CLDN10: variants seen among roughly 807,000 people sequenced by gnomAD.
The protein encoded by CLDN10 is claudin 10.
Under a neutral mutation model 22.9 loss-of-function variants are expected in CLDN10, and 15 were observed. That is an observed-to-expected ratio of 0.65 (90% confidence interval 0.44 to 1.01). The LOEUF (loss-of-function observed/expected upper bound fraction) is 1.01, where lower values mean the gene tolerates loss of function less well. CLDN10 is among the 50% of genes least tolerant of loss of function. The pLI, the probability that CLDN10 is intolerant of heterozygous loss-of-function variation, is 0.00. For synonymous variants in CLDN10, 114 were observed against 111.4 expected (o/e 1.02, Z -0.15); for missense variants, 247 against 287.8 (o/e 0.86, Z 1.03).
intron 1 of CLDN10, among the ~76,000 whole-genome samples, chr13:95,451,952 C>T (rs1318921438): frequency 1.3e-5 from 2 of 152,198 alleles, no homozygotes; most frequent in African/African-American, 4.8e-5. Flanking sequence ...AGCATCCTGG[C>T]ACACTTTTCA....
At chr13:95,571,580 C>T (rs958522731) in intron 3 of CLDN10, among the ~76,000 whole-genome samples, 42 of 152,172 alleles carry the variant, frequency 2.8e-4, no homozygotes, top group African/African-American at 7.5e-4. Flanking sequence ...CAGAGAGATA[C>T]GCAGGATCAG....
chr13:95,522,634 A>AT (rs1158653143), intron 1 of CLDN10, among the ~76,000 whole-genome samples: 1 of 152,020 alleles, frequency 6.6e-6, no homozygotes, highest in Admixed American at 6.6e-5. Flanking sequence ...ATCTTTACTG[A>AT]TTTTTTAGAT....
intron 1 of CLDN10, among the ~76,000 whole-genome samples, chr13:95,451,278 T>C (rs1482753144): frequency 6.6e-6 from 1 of 152,254 alleles, no homozygotes; most frequent in Non-Finnish European, 1.5e-5. Flanking sequence ...TCTGTGCTTC[T>C]GCTCATGCCA....
intron 1 of CLDN10, among the ~76,000 whole-genome samples, chr13:95,513,877 C>T (rs1460244816): frequency 6.6e-6 from 1 of 152,166 alleles, no homozygotes; most frequent in African/African-American, 2.4e-5. Context: ...AGGAAATAAG[C>T]AGTGCTATAT....
At position 95,502,022 on chromosome 13, in the gene CLDN10, C is replaced by T. The variant is rs60956971; in HGVS notation, c.215-58110C>T. ...ATCAGGGTCTACTTTGAATTCATAG[C>T]ATCTAATATAAGAATTTTACAATAG... is the stretch of plus-strand genomic sequence containing the variant. On this transcript the variant is annotated intron_variant, in intron 1 of 4. Transcript: ENST00000376873. Among the ~76,000 whole-genome samples, 1,058 of 152,290 alleles carry T rather than the reference C, an allele frequency of 6.9e-3. 14 individuals carry two copies. The highest frequency in any genetic ancestry group is 0.024 in the African/African-American group (1,012 of 41,544).
chr13:95,571,263 A>C (rs918070100), intron 3 of CLDN10, among the ~76,000 whole-genome samples: 1 of 152,164 alleles, frequency 6.6e-6, no homozygotes, highest in African/African-American at 2.4e-5. Context: ...GATAATGGGC[A>C]TATGTCTGTT....
intron 1 of CLDN10, among the ~76,000 whole-genome samples, chr13:95,471,820 C>G (rs1286869641): frequency 6.6e-6 from 1 of 151,992 alleles, no homozygotes. Flanking sequence ...GGGGCGCCAT[C>G]ACAGCTCACT....
At chr13:95,555,047 G>GTTGT (rs2043616032) in intron 1 of CLDN10, among the ~76,000 whole-genome samples, 1 of 108,674 alleles carries the variant, frequency 9.2e-6, no homozygotes, top group East Asian at 2.8e-4. Flanking sequence ...TGTTAATCCA[G>GTTGT]TTTTTTTTTT....
chr13:95,528,691 A>C (rs1266375719), intron 1 of CLDN10: 3 of 152,222 alleles, frequency 2.0e-5, no homozygotes, highest in Non-Finnish European at 4.4e-5. Context: ...ATATTGAGTA[A>C]AGCTAAGGAA....
intron 1 of CLDN10, among the ~76,000 whole-genome samples, chr13:95,519,258 G>A (rs1414711406): frequency 6.6e-6 from 1 of 152,180 alleles, no homozygotes; most frequent in Non-Finnish European, 1.5e-5. Context: ...GAAGTGTGAA[G>A]GTTGGTGACC....
In CLDN10 at chr13:95,471,454, T is replaced by TATA. The variant is rs201753710; in HGVS notation, c.214+37407_214+37408insATA. On this transcript the variant is annotated intron_variant, in intron 1 of 4. Transcript: ENST00000376873. ...ACACACACACACATATATATATATA[T>TATA]TTTTTTTTTTTTTTTTGAGATGGAG... 1.9e-3 allele frequency among the ~76,000 whole-genome samples: 157 copies of TATA among 81,214 alleles called. 1 individual carries two copies. Among genetic ancestry groups the TATA allele is most frequent in the South Asian group, 4.1e-3 (9 of 2,174 alleles). 53.3% of individuals were successfully genotyped at this position (81,214 alleles called of 152,430 possible). A position where few individuals can be genotyped will look rare whatever the true frequency, so the allele number is the denominator to read the frequency against.
rs1330827517 is a variant in CLDN10, at chr13:95,531,233, A to C, written c.215-28899A>C. Among the ~76,000 whole-genome samples the C allele has an allele frequency of 2.6e-5, 4 of 152,308 alleles. No homozygotes were observed. In the South Asian group the frequency reaches 8.3e-4, roughly 32 times the overall value. On this transcript the variant is annotated intron_variant, in intron 1 of 4. Transcript: ENST00000376873. ...CACACCTGGATGATCATCTTTCTTA[A>C]ATAACAAAATATGGTAGACTTTAAA...
chr13:95,539,474 A>T (rs999579687), intron 1 of CLDN10, among the ~76,000 whole-genome samples: 15 of 151,980 alleles, frequency 9.9e-5, no homozygotes, highest in African/African-American at 3.6e-4. Flanking sequence ...TATTCATTGG[A>T]GTAACATTCA....
rs1566279567 is a variant in CLDN10 at position 95,456,011 on chromosome 13, T to C, written c.214+21964T>C. Among the ~76,000 whole-genome samples, 7 of 152,334 alleles carry C rather than the reference T, an allele frequency of 4.6e-5. No individual in the cohort carries two copies. The South Asian group carries it at 1.4e-3, about 32-fold the overall frequency. On this transcript the variant is annotated intron_variant, in intron 1 of 4. Transcript: ENST00000376873. ...GTGCTAGCTAAGTTAGACTTCAAGA[T>C]GACTTAGCAGAAATCCCCTGGTTTG...
intron 1 of CLDN10, among the ~76,000 whole-genome samples, chr13:95,503,092 T>C (rs1594569638): frequency 6.6e-6 from 1 of 152,170 alleles, no homozygotes; most frequent in East Asian, 1.9e-4. Context: ...TGAAGAGAAA[T>C]GGATTCACAG....
chr13:95,521,956 T>G (rs2043228077), intron 1 of CLDN10, among the ~76,000 whole-genome samples: 1 of 151,982 alleles, frequency 6.6e-6, no homozygotes, highest in African/African-American at 2.4e-5. Flanking sequence ...TGACCTTAAG[T>G]AATTCATGAA....
Position 95,512,326 on chromosome 13 carries a change from T to G in CLDN10, c.215-47806T>G, listed in dbSNP as rs193032576. Among the ~76,000 whole-genome samples, 195 of 151,676 alleles carry G rather than the reference T, an allele frequency of 1.3e-3. 1 individual carries two copies. Among genetic ancestry groups the G allele is most frequent in the Middle Eastern group, 0.01 (3 of 294 alleles). ...CTGTTTTTGATGTTAATATGAGCAATGTGTTTGACCAACAAGGCTAGGACC... is the reference window on the plus strand; with the variant it reads ...CTGTTTTTGATGTTAATATGAGCAAGGTGTTTGACCAACAAGGCTAGGACC... On this transcript the variant is annotated intron_variant, in intron 1 of 4. Transcript: ENST00000376873.
At chr13:95,553,604 T>G (rs926657612) in intron 1 of CLDN10, among the ~76,000 whole-genome samples, 15 of 152,220 alleles carry the variant, frequency 9.9e-5, no homozygotes, top group African/African-American at 2.7e-4. Flanking sequence ...TCCTCCGAGT[T>G]TTAGGAAAAT....
chr13:95,449,739 A>ATTTTTTT (rs59868615), intron 1 of CLDN10, among the ~76,000 whole-genome samples: 1 of 132,796 alleles, frequency 7.5e-6, no homozygotes. Context: ...TAATTTTTAA[A>ATTTTTTT]TTTTTTTTTT....
Sources: allele counts gnomAD v4.1 joint callset (sites outside exome capture counted in the v4.1 genomes callset), GRCh38; gene constraint gnomAD v4.1.1; transcripts MANE v1.5; gene names NCBI Gene and HGNC (gene_info 2026-07-23, HGNC 2026-07-21).